Variants in MERTK observed in about 807,000 individuals in gnomAD.
MERTK encodes the protein tyrosine-protein kinase Mer.
In MERTK, 69 loss-of-function variants were observed where a neutral mutation model predicts 99.3. That is an observed-to-expected ratio of 0.70 (90% CI 0.57 to 0.85). The LOEUF (loss-of-function observed/expected upper bound fraction) is 0.85. Ranked by LOEUF, MERTK falls within the 40% of genes least tolerant of loss-of-function variation. The pLI, the probability that MERTK is intolerant of heterozygous loss-of-function variation, is 0.00. For missense variants in MERTK, 1,125 were observed against 1,249.4 expected, an observed-to-expected ratio of 0.90 and a Z score of 1.50; for synonymous variants, 426 against 467.6, an observed-to-expected ratio of 0.91 and a Z score of 1.15.
At chr2:111,945,140 C>A in intron 3 of MERTK, 80 bp downstream of exon 3, 1 of 1,155,446 alleles carries the variant, frequency 8.7e-7, no homozygotes, top group Non-Finnish European at 1.3e-6. Context: ...GTATAATACT[C>A]TAGAGTTTTG....
At chr2:111,972,188 G>A (rs998887333) in intron 6 of MERTK, among the ~76,000 whole-genome samples, 10 of 152,094 alleles carry the variant, frequency 6.6e-5, no homozygotes, top group Admixed American at 3.9e-4. Flanking sequence ...CTGCCACTGC[G>A]CCTGGCTCAT....
chr2:111,940,883 G>A (rs10165614), intron 2 of MERTK: 35,811 of 730,774 alleles, frequency 0.049, 1,166 homozygotes, highest in African/African-American at 0.1. Context: ...TCACTGCTGT[G>A]GATGTTTCTT....
chr2:111,906,672 C>G (rs1481638173), intron 1 of MERTK, among the ~76,000 whole-genome samples: 1 of 152,318 alleles, frequency 6.6e-6, no homozygotes, highest in Non-Finnish European at 1.5e-5. Flanking sequence ...AGCCTTTAAG[C>G]CTTTTTACAA....
chr2:111,944,515 C>A, intron 2 of MERTK, among the ~76,000 whole-genome samples: 1 of 152,308 alleles, frequency 6.6e-6, no homozygotes, highest in Non-Finnish European at 1.5e-5. Context: ...TAAAATAATT[C>A]CTCTGTTTTA....
At chr2:111,914,711 A>G (rs1661767677) in intron 1 of MERTK, among the ~76,000 whole-genome samples, 1 of 152,224 alleles carries the variant, frequency 6.6e-6, no homozygotes, top group Non-Finnish European at 1.5e-5. Context: ...CTGATTTTCA[A>G]ATACTGAACT....
chr2:111,925,481 T>G (rs1432587426), intron 1 of MERTK, among the ~76,000 whole-genome samples: 1 of 151,066 alleles, frequency 6.6e-6, no homozygotes, highest in African/African-American at 2.4e-5. Context: ...TTTCGTATTT[T>G]TAGTAGAGAC....
intron 7 of MERTK, 146 bp from the exon 8 acceptor site, chr2:111,982,696 A>AT: frequency 1.2e-6 from 1 of 856,830 alleles, no homozygotes; most frequent in Non-Finnish European, 1.9e-6. Flanking sequence ...ATCTTAGTTG[A>AT]AAAGGTGAAA....
chr2:111,960,346 T>A (rs1238365424), intron 4 of MERTK, among the ~76,000 whole-genome samples: 2 of 151,776 alleles, frequency 1.3e-5, no homozygotes, highest in Non-Finnish European at 2.9e-5. Context: ...CCGGGCGTGG[T>A]GGTGCATGCC....
intron 2 of MERTK, among the ~76,000 whole-genome samples, chr2:111,939,350 G>A (rs1684819951): frequency 6.6e-6 from 1 of 151,956 alleles, no homozygotes; most frequent in African/African-American, 2.4e-5. Flanking sequence ...CCATTCATGA[G>A]GGCAGAGTCC....
intron 18 of MERTK, among the ~76,000 whole-genome samples, chr2:112,027,711 G>GAT (rs1677496854): frequency 6.6e-6 from 1 of 152,156 alleles, no homozygotes; most frequent in Non-Finnish European, 1.5e-5. Flanking sequence ...AAGTGACAAT[G>GAT]ACAGGGCTGT....
intron 1 of MERTK, among the ~76,000 whole-genome samples, chr2:111,917,606 G>A (rs1684376383): frequency 6.6e-6 from 1 of 152,140 alleles, no homozygotes; most frequent in South Asian, 2.1e-4. Flanking sequence ...AAAAGACGAG[G>A]CCAGGCGCAG....
intron 15 of MERTK, among the ~76,000 whole-genome samples, chr2:112,010,862 G>A (rs10181117): frequency 0.048 from 7,322 of 152,260 alleles, 160 homozygotes; most frequent in African/African-American, 0.06. Context: ...TGCCTTGCAC[G>A]CATCTTCTCT....
chr2:112,021,712 T>TCC, intron 17 of MERTK, 131 bp downstream of exon 17: 2 of 781,726 alleles, frequency 2.6e-6, no homozygotes, highest in Non-Finnish European at 4.4e-6. Context: ...TGCTCAGATC[T>TCC]CTTTTATATC....
chr2:111,965,163 T>G (rs763411813), intron 4 of MERTK, 28 bp from the exon 5 acceptor site: 1 of 1,600,176 alleles, frequency 6.2e-7, no homozygotes, highest in South Asian at 1.1e-5. Flanking sequence ...TCTCTGCTGC[T>G]GGTCTCATGA....
At chr2:111,947,659 G>A in intron 4 of MERTK, 92 bp downstream of exon 4, 1 of 1,440,554 alleles carries the variant, frequency 6.9e-7, no homozygotes, top group Non-Finnish European at 9.7e-7. Context: ...CTAGCAGGCA[G>A]TGGAGACAGA....
chr2:111,999,876 A>G (rs1044597693), intron 10 of MERTK, among the ~76,000 whole-genome samples: 4 of 152,174 alleles, frequency 2.6e-5, no homozygotes, highest in South Asian at 4.1e-4. Context: ...CCAATATCCA[A>G]TATCCACTGG....
chr2:112,014,672 G>C (rs1230651815), intron 15 of MERTK, among the ~76,000 whole-genome samples: 1 of 150,428 alleles, frequency 6.6e-6, no homozygotes, highest in African/African-American at 2.5e-5. Context: ...GTCTCACTCT[G>C]TCACCCAGGC....
intron 14 of MERTK, 84 bp downstream of exon 14, chr2:112,008,559 A>T: frequency 1.0e-6 from 1 of 996,574 alleles, no homozygotes; most frequent in Non-Finnish European, 1.6e-6. Context: ...TCTGGTGTAG[A>T]TAAGTTTACA....
chr2:111,960,697 A>G (rs1362489102), intron 4 of MERTK, among the ~76,000 whole-genome samples: 1 of 151,974 alleles, frequency 6.6e-6, no homozygotes, highest in East Asian at 1.9e-4. Flanking sequence ...GGTTTAAGCA[A>G]AAACTTTCAA....
Sources: gnomAD v4.1 joint callset for allele counts (sites outside exome capture counted in the v4.1 genomes callset) on GRCh38, gnomAD v4.1.1 for gene constraint, MANE v1.5 for transcripts, NCBI Gene and HGNC (gene_info 2026-07-23, HGNC 2026-07-21) for gene names.